Variants in MON1B observed in about 807,000 individuals in gnomAD.
The protein encoded by MON1B is vacuolar fusion protein MON1 homolog B.
MON1B carries 26 observed loss-of-function variants against 45.1 expected under a neutral mutation model. The observed-to-expected ratio is 0.58, with a 90% CI of 0.42 to 0.80. The LOEUF (loss-of-function observed/expected upper bound fraction) is 0.80. Among genes scored for constraint, MON1B ranks in the 30% least tolerant of loss-of-function variants. The pLI, the probability that MON1B is intolerant of heterozygous loss-of-function variation, is 0.00. For missense variants in MON1B, 737 were observed against 754.5 expected (o/e 0.98, Z 0.27); for synonymous variants, 395 against 320.2 (o/e 1.23, Z -2.49).
chr16:77,197,453 G>A (rs1416240210), intron 5 of MON1B, among the ~76,000 whole-genome samples: 1 of 152,184 alleles, frequency 6.6e-6, no homozygotes, highest in African/African-American at 2.4e-5. Context: ...TTTAAACCAA[G>A]TGATCAGGGT....
intron 5 of MON1B, among the ~76,000 whole-genome samples, chr16:77,197,563 T>C (rs546998394): frequency 6.6e-6 from 1 of 152,092 alleles, no homozygotes; most frequent in East Asian, 1.9e-4. Context: ...AGGACTGATA[T>C]GCTATGAGGT....
rs192670529 is a variant in MON1B at position 77,200,967 on chromosome 16, C to G, written c.*2659C>G. ...TATCTCGAACACCCCTTTCTGCACA[C>G]TCTTTAAACCACTGTATTAACAAAC... On this transcript the variant is annotated 3_prime_UTR_variant, in exon 6 of 6. Transcript: ENST00000248248. 1.0e-3 allele frequency: 154 copies of G among 152,282 alleles called. No individual in the cohort carries two copies. Among genetic ancestry groups the G allele is most frequent in the Non-Finnish European group, 1.9e-3 (129 of 68,040 alleles). 9.4% of individuals were successfully genotyped at this position (152,282 alleles called of 1,614,324 possible). A position where few individuals can be genotyped will look rare whatever the true frequency, so the allele number is the denominator to read the frequency against.
Position 77,193,175 on chromosome 16 carries a change from T to C in MON1B, c.149-276T>C, listed in dbSNP as rs2054631018. 6.6e-6 allele frequency among the ~76,000 whole-genome samples: 1 copy of C among 152,022 alleles called. No individual in the cohort carries two copies. The highest frequency in any genetic ancestry group is 6.5e-5 in the Admixed American group (1 of 15,270). ...ATAACAGTGATTGAAAGGGAAGTAA[T>C]TGGTCTGTAGGAACATAGCAAGTCC... On this transcript the variant is annotated intron_variant, in intron 2 of 5. Coordinates refer to ENST00000248248, the MANE Select transcript of MON1B (RefSeq NM_014940.4). The surrounding 1 kb of genome is among the most constrained non-coding windows in gnomAD (Gnocchi z 5.0).
rs2054632607 is a variant in MON1B at position 77,193,364 on chromosome 16, G to C, written c.149-87G>C. 4.6e-6 allele frequency: 6 copies of C among 1,308,852 alleles called. No homozygotes were observed. Among genetic ancestry groups the C allele is most frequent in the Non-Finnish European group, 6.3e-6 (6 of 949,404 alleles). 81.1% of individuals were successfully genotyped at this position (1,308,852 alleles called of 1,614,324 possible). On this transcript the variant is annotated intron_variant, in intron 2 of 5. Coordinates refer to ENST00000248248, the MANE Select transcript of MON1B (RefSeq NM_014940.4). The surrounding 1 kb of genome is among the most constrained non-coding windows in gnomAD (Gnocchi z 5.0). ...GCGTCAGCATGCAGGGGTCATGGAG[G>C]GGCTAGTAGATATTTGGTGGGTCCT... is the stretch of plus-strand genomic sequence containing the variant.
intron 5 of MON1B, among the ~76,000 whole-genome samples, chr16:77,196,123 TCTC>T (rs1172582338): frequency 6.6e-6 from 1 of 152,104 alleles, no homozygotes; most frequent in Non-Finnish European, 1.5e-5. Context: ...TTCCCTTTGG[TCTC>T]CTCTGGGCTC....
chr16:77,195,269 A>T (rs2142499866), intron 4 of MON1B, 115 bp downstream of exon 4: 1 of 1,133,448 alleles, frequency 8.8e-7, no homozygotes, highest in East Asian at 2.6e-5. Context: ...AGAAAGAGGG[A>T]AGAGAACAAG....
Position 77,199,756 on chromosome 16 carries a change from C to T in MON1B, c.*1448C>T, listed in dbSNP as rs1300748756. 3 of 434,012 alleles carry T rather than the reference C, an allele frequency of 6.9e-6. No homozygotes were observed. Among genetic ancestry groups the T allele is most frequent in the African/African-American group, 6.1e-5 (3 of 49,292 alleles). 26.9% of individuals were successfully genotyped at this position (434,012 alleles called of 1,614,324 possible). On this transcript the variant is annotated 3_prime_UTR_variant, in exon 6 of 6. Transcript: ENST00000248248. ...TAGTGTATACGTTGTTGAAAGTAAA[C>T]AACATGTAGTTCAGTACGAAAGTCT...
At position 77,193,553 on chromosome 16, in the gene MON1B, G is replaced by A. The variant is rs144793245; in HGVS notation, c.251G>A (p.Ser84Asn). The change falls in exon 3 of 6, where the codon AGT becomes AAT. Residue 84 changes from serine to asparagine, a missense_variant. Transcript: ENST00000248248. The surrounding 1 kb of genome is among the most constrained non-coding windows in gnomAD (Gnocchi z 5.0). ...TGGAGTCCTGCAGCCCCTGAGAATAGTCCCACATGTAGCCCTGAGAGTAGC... is the reference window on the plus strand; with the variant it reads ...TGGAGTCCTGCAGCCCCTGAGAATAATCCCACATGTAGCCCTGAGAGTAGC... ...RLWSPAAPEN[S>N]PTCSPESSSG... The A allele has an allele frequency of 1.2e-6, 2 of 1,613,884 alleles. No individual in the cohort carries two copies. Among genetic ancestry groups the A allele is most frequent in the Non-Finnish European group, 1.7e-6 (2 of 1,179,916 alleles).
Position 77,201,498 on chromosome 16 carries a change from C to T in MON1B, c.*3190C>T, listed in dbSNP as rs1426418952. On this transcript the variant is annotated 3_prime_UTR_variant, in exon 6 of 6. Transcript: ENST00000248248. ...ACCTTGTAGAGAAACAGGCCTTTTCCTGCCTCAGGGAAGAGAGCTGACTCA... is the reference window on the plus strand; with the variant it reads ...ACCTTGTAGAGAAACAGGCCTTTTCTTGCCTCAGGGAAGAGAGCTGACTCA... 1 of 152,192 alleles carries T rather than the reference C, an allele frequency of 6.6e-6. No individual in the cohort carries two copies. Among genetic ancestry groups the T allele is most frequent in the Non-Finnish European group, 1.5e-5 (1 of 68,034 alleles). The allele number at this position is 152,192 out of a possible 1,614,324, so 9.4% of individuals were successfully genotyped here.
Position 77,195,525 on chromosome 16 carries a change from A to G in MON1B, c.1296-10A>G, listed in dbSNP as rs1168042873. 3 of 1,609,694 alleles carry G rather than the reference A, an allele frequency of 1.9e-6. No individual in the cohort carries two copies. Among genetic ancestry groups the G allele is most frequent in the Non-Finnish European group, 2.5e-6 (3 of 1,177,356 alleles). On this transcript the variant is annotated splice_polypyrimidine_tract_variant and intron_variant, in intron 4 of 5. Transcript: ENST00000248248. ...CTAACCTTGTCCTCCACCTCCCTCC[A>G]TCATGGCAGCCCTGAGCTAGAGGCC...
intron 2 of MON1B, 95 bp downstream of exon 2, chr16:77,191,728 G>C: frequency 7.0e-7 from 1 of 1,419,304 alleles, no homozygotes; most frequent in South Asian, 1.3e-5. Context: ...AGGGAGTCTT[G>C]GGACTTAAGA....
rs116855347 is a variant in MON1B, at chr16:77,199,197, C to T, written c.*889C>T. 4.7e-4 allele frequency: 236 copies of T among 497,310 alleles called. 1 individual carries two copies. The highest frequency in any genetic ancestry group is 3.4e-3 in the East Asian group (102 of 30,000). 30.8% of individuals were successfully genotyped at this position (497,310 alleles called of 1,614,324 possible). A position where few individuals can be genotyped will look rare whatever the true frequency, so the allele number is the denominator to read the frequency against. On this transcript the variant is annotated 3_prime_UTR_variant, in exon 6 of 6. Transcript: ENST00000248248. Reference sequence around the variant, plus strand: ...CTCCCTAGGGTTTTGTGTGTGTGCACACTACCCTCACTCCCCAACTGGCCA... The same window carrying T: ...CTCCCTAGGGTTTTGTGTGTGTGCATACTACCCTCACTCCCCAACTGGCCA...
At chr16:77,192,185 G>C (rs558620859) in intron 2 of MON1B, among the ~76,000 whole-genome samples, 1 of 152,290 alleles carries the variant, frequency 6.6e-6, no homozygotes, top group Admixed American at 6.5e-5. Context: ...AGAAGTCTGT[G>C]CCATTGATCA....
Position 77,200,291 on chromosome 16 carries a change from T to TATATATATATACATATATATATATATAC in MON1B, c.*1984_*1985insTATATATATACATATATATATATATACA. On this transcript the variant is annotated 3_prime_UTR_variant, in exon 6 of 6. Coordinates refer to ENST00000248248, the MANE Select transcript of MON1B (RefSeq NM_014940.4). ...ATATATGTGTATATATATATATATATACACACACTAATCAGCCGGGCGCGG... is the reference window on the plus strand; with the variant it reads ...ATATATGTGTATATATATATATATATATATATATATACATATATATATATATACACACACACTAATCAGCCGGGCGCGG... 76 of 111,414 alleles carry TATATATATATACATATATATATATATAC rather than the reference T, an allele frequency of 6.8e-4. 2 individuals carry two copies. The highest frequency in any genetic ancestry group is 4.4e-4 in the Admixed American group (5 of 11,452). The allele number at this position is 111,414 out of a possible 1,614,324, so 6.9% of individuals were successfully genotyped here. A position where few individuals can be genotyped will look rare whatever the true frequency, so the allele number is the denominator to read the frequency against.
intron 4 of MON1B, 147 bp downstream of exon 4, chr16:77,195,301 T>C: frequency 9.9e-7 from 1 of 1,014,554 alleles, no homozygotes; most frequent in Non-Finnish European, 1.4e-6. Context: ...TGATGGAGCA[T>C]CAGCCACAGA....
chr16:77,198,377 G>A lies in MON1B; in HGVS notation c.*69G>A, dbSNP rs2054689565. On this transcript the variant is annotated 3_prime_UTR_variant, in exon 6 of 6. Coordinates refer to ENST00000248248, the MANE Select transcript of MON1B (RefSeq NM_014940.4). ...TTGTTTTTTACCTTCTGTCTACCCT[G>A]GAAATGTGTGTGGGGGTGTGTCTGT... is the stretch of plus-strand genomic sequence containing the variant. The A allele has an allele frequency of 1.3e-6, 2 of 1,503,136 alleles. No individual in the cohort carries two copies. Among genetic ancestry groups the A allele is most frequent in the Admixed American group, 1.7e-5 (1 of 59,294 alleles). The allele number at this position is 1,503,136 out of a possible 1,614,324, so 93.1% of individuals were successfully genotyped here. A position where few individuals can be genotyped will look rare whatever the true frequency, so the allele number is the denominator to read the frequency against.
rs1250249835 is a variant in MON1B, at chr16:77,191,577, G to T, written c.92G>T (p.Gly31Val). The T allele has an allele frequency of 6.2e-7, 1 of 1,610,648 alleles. No homozygotes were observed. Residue 31 changes from glycine (G) to valine (V), a missense_variant, in exon 2 of 6, where the codon GGT becomes GTT. By Grantham distance (109) the Gly-to-Val change is moderately radical (BLOSUM62 -3). Transcript: ENST00000248248. ...TQFPSEEARE[G>V]GGVHAVPPDP... ...TTCCCCAGTGAGGAAGCTAGAGAAG[G>T]TGGAGGGGTTCACGCGGTCCCGCCG...
rs1391730961 is a variant in MON1B, at chr16:77,199,581, A to G, written c.*1273A>G. Reference sequence around the variant, plus strand: ...GCAGAAAGGAGGGAGGATTCGTCCCATTACAATAATGAAATAATGATATTC... The same window carrying G: ...GCAGAAAGGAGGGAGGATTCGTCCCGTTACAATAATGAAATAATGATATTC... On this transcript the variant is annotated 3_prime_UTR_variant, in exon 6 of 6. Transcript: ENST00000248248. The G allele has an allele frequency of 1.7e-6, 2 of 1,179,874 alleles. No individual in the cohort carries two copies. The highest frequency in any genetic ancestry group is 2.4e-6 in the Non-Finnish European group (2 of 832,886). 73.1% of individuals were successfully genotyped at this position (1,179,874 alleles called of 1,614,324 possible).
chr16:77,197,431 T>C (rs969583332), intron 5 of MON1B, among the ~76,000 whole-genome samples: 5 of 152,038 alleles, frequency 3.3e-5, no homozygotes, highest in African/African-American at 9.7e-5. Flanking sequence ...AAATATATGT[T>C]AGGAGCAGAA....
Sources: allele counts gnomAD v4.1 joint callset (sites outside exome capture counted in the v4.1 genomes callset), GRCh38; gene constraint gnomAD v4.1.1; non-coding constraint Gnocchi (gnomAD v3.1); transcripts MANE v1.5; gene names NCBI Gene and HGNC (gene_info 2026-07-23, HGNC 2026-07-21).